The following PCNX2 variants were observed in gnomAD, a reference collection of about 807,000 sequenced individuals.
The protein encoded by PCNX2 is pecanex 2, also known as pecanex-like protein 2.
A neutral mutation model predicts 223.8 loss-of-function variants in PCNX2; 168 were observed. The observed-to-expected ratio is 0.75, with a 90% confidence interval of 0.66 to 0.85. PCNX2 has a LOEUF of 0.85. Among genes scored for constraint, PCNX2 ranks in the 40% least tolerant of loss-of-function variants. PCNX2 has a pLI of 0.00. For synonymous variants in PCNX2, 1,006 were observed against 1,052.6 expected (o/e 0.96, Z 0.86); for missense variants, 2,507 against 2,675.5 (o/e 0.94, Z 1.39).
intron 1 of PCNX2, among the ~76,000 whole-genome samples, chr1:233,285,629 C>T (rs908383940): frequency 6.6e-5 from 10 of 152,090 alleles, no homozygotes; most frequent in Non-Finnish European, 1.2e-4. Context: ...GACCTGAGAT[C>T]GTGCCACTGC....
chr1:233,134,846 G>A (rs2102766398), intron 21 of PCNX2, 167 bp downstream of exon 21: 5 of 620,106 alleles, frequency 8.1e-6, no homozygotes, highest in South Asian at 4.3e-5. Flanking sequence ...TACATTCCAT[G>A]GGCAGTTTTC....
At chr1:233,168,467 T>A (rs1420931317) in intron 17 of PCNX2, among the ~76,000 whole-genome samples, 1 of 152,102 alleles carries the variant, frequency 6.6e-6, no homozygotes, top group Non-Finnish European at 1.5e-5. Context: ...TATATATATA[T>A]AATTGTATAG....
At chr1:233,067,365 CAAAAAAAAAAAAAAAAAAAAAAA>C (rs750823791) in intron 23 of PCNX2, among the ~76,000 whole-genome samples, 2 of 3,888 alleles carry the variant, frequency 5.1e-4, no homozygotes, top group Non-Finnish European at 1.2e-3. Context: ...AGAGCTTCAG[CAAAAAAAAAAAAAAAAAAAAAAA>C]AAAAAAAAAA....
At chr1:233,248,992 G>C (rs1214136170) in intron 8 of PCNX2, among the ~76,000 whole-genome samples, 1 of 151,590 alleles carries the variant, frequency 6.6e-6, no homozygotes, top group African/African-American at 2.4e-5. Flanking sequence ...GGAAATGAAA[G>C]AAAGCAGAAG....
intron 21 of PCNX2, among the ~76,000 whole-genome samples, chr1:233,100,689 C>A (rs1232854192): frequency 6.6e-6 from 1 of 152,124 alleles, no homozygotes; most frequent in Non-Finnish European, 1.5e-5. Flanking sequence ...GACACCCCTC[C>A]CACACACACT....
rs1318274803 is a variant in PCNX2, at chr1:232,990,217, G to A, written c.5792-3677C>T. 3.3e-5 allele frequency among the ~76,000 whole-genome samples: 5 copies of A among 152,218 alleles called. No individual in the cohort carries two copies. Among genetic ancestry groups the A allele is most frequent in the East Asian group, 1.9e-4 (1 of 5,196 alleles). On this transcript the variant is annotated intron_variant, in intron 32 of 33. Coordinates refer to ENST00000258229, the MANE Select transcript of PCNX2 (RefSeq NM_014801.4). The surrounding 1 kb of genome is among the most constrained non-coding windows in gnomAD (Gnocchi z 4.3). ...GTAGGTGGTTTCCGCAAAGTGTCCC[G>A]GGCAGGGCCAGGCAGAGCCGCCCCT...
At chr1:233,062,156 T>G (rs1462518701) in intron 23 of PCNX2, among the ~76,000 whole-genome samples, 4 of 152,224 alleles carry the variant, frequency 2.6e-5, no homozygotes, top group Non-Finnish European at 5.9e-5. Flanking sequence ...TGAACTACTA[T>G]TGTAGTTTGT....
chr1:233,130,860 A>T (rs1242754557), intron 21 of PCNX2, among the ~76,000 whole-genome samples: 2 of 144,704 alleles, frequency 1.4e-5, no homozygotes, highest in African/African-American at 5.1e-5. Context: ...CCTCAGGGGG[A>T]GTGGGGGATT....
intron 24 of PCNX2, among the ~76,000 whole-genome samples, chr1:233,055,683 T>C (rs1168848574): frequency 2.0e-5 from 3 of 152,188 alleles, no homozygotes; most frequent in African/African-American, 4.8e-5. Flanking sequence ...GAGGAAATTA[T>C]GGCTCTGGAA....
At chr1:232,997,306 C>G (rs1669910661) in intron 32 of PCNX2, among the ~76,000 whole-genome samples, 1 of 152,204 alleles carries the variant, frequency 6.6e-6, no homozygotes, top group Admixed American at 6.5e-5. Context: ...CTTTCTCTCT[C>G]TCATATCTTG....
chr1:233,326,744 T>C, the PCNX2 span, among the ~76,000 whole-genome samples: 3 of 152,220 alleles, frequency 2.0e-5, no homozygotes, highest in African/African-American at 7.2e-5. Flanking sequence ...TCTGGCCTAC[T>C]ACAGGATAAT....
chr1:233,244,456 T>A (rs571356045), intron 8 of PCNX2, among the ~76,000 whole-genome samples: 11 of 152,244 alleles, frequency 7.2e-5, no homozygotes, highest in African/African-American at 2.6e-4. Flanking sequence ...ATGCCTATAA[T>A]CCCAGAACTT....
intron 19 of PCNX2, among the ~76,000 whole-genome samples, chr1:233,146,034 T>C (rs1189913918): frequency 3.9e-5 from 6 of 152,064 alleles, no homozygotes; most frequent in Non-Finnish European, 8.8e-5. Flanking sequence ...TACGCCACAA[T>C]CCAAAAGAAA....
chr1:233,164,875 G>A (rs1678700343), intron 17 of PCNX2, among the ~76,000 whole-genome samples: 1 of 151,976 alleles, frequency 6.6e-6, no homozygotes, highest in African/African-American at 2.4e-5. Context: ...TAGAGGCTGG[G>A]GAGGGGAGAA....
chr1:232,998,297 G>A lies in PCNX2; in HGVS notation c.5745C>T (p.Gly1915=), dbSNP rs548311730. The A allele has an allele frequency of 8.0e-5, 128 of 1,606,640 alleles. No homozygotes were observed. The highest frequency in any genetic ancestry group is 2.0e-4 in the East Asian group (9 of 44,488). ...AGGATGACACCCCGTGCTGAGCACC[G>A]CCTTTTCTGGGCTGTTCTGCGCTGC... The part of the protein sequence containing the change: ...QESSAEQPRK[G]GAQHGVSSCE... Residue 1915 remains glycine, a synonymous_variant, in exon 32 of 34, where the codon GGC becomes GGT. Transcript: ENST00000258229.
At chr1:233,259,749 G>C (rs1245309541) in intron 4 of PCNX2, 1 of 596,220 alleles carries the variant, frequency 1.7e-6, no homozygotes, top group Non-Finnish European at 2.1e-6. Flanking sequence ...TGCTGAGAAT[G>C]ATGGTTTCCA....
chr1:233,209,475 A>AC (rs143520536), intron 12 of PCNX2, among the ~76,000 whole-genome samples: 1,839 of 152,348 alleles, frequency 0.012, 18 homozygotes, highest in Non-Finnish European at 0.017. Context: ...GGGGAAAAAA[A>AC]CAATGAAAAT....
At chr1:233,272,381 C>T (rs749844226) in intron 1 of PCNX2, among the ~76,000 whole-genome samples, 10 of 151,420 alleles carry the variant, frequency 6.6e-5, no homozygotes, top group Non-Finnish European at 1.3e-4. Flanking sequence ...GGCCAACAAG[C>T]ATATGAAAAA....
chr1:233,089,597 T>C (rs1267989273), intron 23 of PCNX2, among the ~76,000 whole-genome samples: 2 of 152,240 alleles, frequency 1.3e-5, no homozygotes, highest in Non-Finnish European at 2.9e-5. Context: ...GCAAGTTTTA[T>C]GGCACTCAGA....
Sources: gnomAD v4.1 joint callset for allele counts (sites outside exome capture counted in the v4.1 genomes callset) on GRCh38, gnomAD v4.1.1 for gene constraint, Gnocchi (gnomAD v3.1) non-coding constraint, MANE v1.5 for transcripts, NCBI Gene and HGNC (gene_info 2026-07-23, HGNC 2026-07-21) for gene names.